The following TIAM1 variants were observed in gnomAD, a reference collection of about 807,000 sequenced individuals.
The protein encoded by TIAM1 is rho guanine nucleotide exchange factor TIAM1.
Under a neutral mutation model 163.5 loss-of-function variants are expected in TIAM1, and 65 were observed. That is an observed-to-expected ratio of 0.40 (90% confidence interval 0.33 to 0.49). TIAM1 has a LOEUF of 0.49. TIAM1 is among the 20% of genes least tolerant of loss of function. The pLI is 0.77. For synonymous variants in TIAM1, 833 were observed against 810.1 expected, an observed-to-expected ratio of 1.03 and a Z score of -0.48; for missense variants, 1,789 against 2,044.7, an observed-to-expected ratio of 0.87 and a Z score of 2.41.
intron 2 of TIAM1, among the ~76,000 whole-genome samples, chr21:31,359,647 G>A (rs1164349197): frequency 6.6e-6 from 1 of 151,928 alleles, no homozygotes. Flanking sequence ...AATTTAGCAG[G>A]GCATGGTGGC....
At chr21:31,522,524 A>G (rs1306261511) in intron 1 of TIAM1, among the ~76,000 whole-genome samples, 2 of 151,900 alleles carry the variant, frequency 1.3e-5, no homozygotes, top group Non-Finnish European at 1.5e-5. Context: ...AAAAAAAACA[A>G]AAACAAAAAC....
intron 16 of TIAM1, among the ~76,000 whole-genome samples, chr21:31,164,314 C>T (rs974501940): frequency 2.0e-5 from 3 of 151,008 alleles, no homozygotes; most frequent in South Asian, 4.2e-4. Flanking sequence ...GGCGTGAACC[C>T]GGGAGGCGGA....
At chr21:31,464,434 C>T (rs1224869517) in intron 1 of TIAM1, among the ~76,000 whole-genome samples, 2 of 152,110 alleles carry the variant, frequency 1.3e-5, no homozygotes, top group African/African-American at 2.4e-5. Context: ...TTGCACCAGG[C>T]GCAGTGGTTC....
chr21:31,302,284 G>T (rs887681007), intron 2 of TIAM1, among the ~76,000 whole-genome samples: 1 of 151,992 alleles, frequency 6.6e-6, no homozygotes, highest in Non-Finnish European at 1.5e-5. Flanking sequence ...ATTAGTCTTG[G>T]TAATATGAAT....
At chr21:31,182,058 C>G (rs1363019394) in intron 15 of TIAM1, among the ~76,000 whole-genome samples, 1 of 151,478 alleles carries the variant, frequency 6.6e-6, no homozygotes, top group Non-Finnish European at 1.5e-5. Context: ...GCTGGGATTA[C>G]AGGTGCGAGC....
At chr21:31,259,654 A>AATAATC (rs1269242856) in intron 4 of TIAM1, among the ~76,000 whole-genome samples, 2 of 150,862 alleles carry the variant, frequency 1.3e-5, no homozygotes, top group East Asian at 3.9e-4. Flanking sequence ...TAATAATAAT[A>AATAATC]ATCCTGAATG....
chr21:31,553,604 T>C (rs2048768191), intron 1 of TIAM1, among the ~76,000 whole-genome samples: 1 of 152,128 alleles, frequency 6.6e-6, no homozygotes, highest in Non-Finnish European at 1.5e-5. Flanking sequence ...GCCCAGGTGA[T>C]GGCCAAAAGA....
At chr21:31,257,113 C>A (rs971366122) in intron 4 of TIAM1, among the ~76,000 whole-genome samples, 2 of 152,166 alleles carry the variant, frequency 1.3e-5, no homozygotes, top group African/African-American at 2.4e-5. Context: ...AAAATGGTGA[C>A]GTTCTCTACA....
chr21:31,133,240 C>T (rs930591823), intron 23 of TIAM1, among the ~76,000 whole-genome samples: 1 of 152,210 alleles, frequency 6.6e-6, no homozygotes, highest in Non-Finnish European at 1.5e-5. Context: ...TGACTACAGC[C>T]TTTGTTCATA....
intron 1 of TIAM1, among the ~76,000 whole-genome samples, chr21:31,485,518 C>T (rs1195856491): frequency 6.6e-6 from 1 of 152,132 alleles, no homozygotes; most frequent in Non-Finnish European, 1.5e-5. Flanking sequence ...AAGCAAAACG[C>T]TAACTCTGGG....
intron 8 of TIAM1, 30 bp from the exon 9 acceptor site, chr21:31,217,729 G>A: frequency 6.2e-7 from 1 of 1,609,550 alleles, no homozygotes; most frequent in South Asian, 1.1e-5. Context: ...GCAGCCACAA[G>A]GGAGATGCAT....
At chr21:31,441,728 A>C (rs2044423522) in intron 2 of TIAM1, among the ~76,000 whole-genome samples, 1 of 151,956 alleles carries the variant, frequency 6.6e-6, no homozygotes, top group Admixed American at 6.6e-5. Context: ...AAAAATTGAC[A>C]CTTGTTAAAA....
chr21:31,275,583 T>C (rs2073262028), intron 3 of TIAM1, among the ~76,000 whole-genome samples: 1 of 152,222 alleles, frequency 6.6e-6, no homozygotes, highest in Non-Finnish European at 1.5e-5. Context: ...ACTGGCACAT[T>C]TGTCTTGTTT....
At chr21:31,210,272 A>G in intron 10 of TIAM1, 57 bp from the exon 11 acceptor site, 3 of 1,568,688 alleles carry the variant, frequency 1.9e-6, no homozygotes, top group South Asian at 2.3e-5. Flanking sequence ...ACAACCCTAG[A>G]TTCCCAGACT....
chr21:31,414,839 C>T (rs570900284), intron 2 of TIAM1, among the ~76,000 whole-genome samples: 1 of 152,186 alleles, frequency 6.6e-6, no homozygotes, highest in African/African-American at 2.4e-5. Context: ...GTCAACCAAA[C>T]GAAGAGAGTC....
At chr21:31,142,692 C>CAGA in intron 20 of TIAM1, among the ~76,000 whole-genome samples, 1 of 151,718 alleles carries the variant, frequency 6.6e-6, no homozygotes, top group South Asian at 2.1e-4. Context: ...CAAGCAGATG[C>CAGA]AGAAGCAGCA....
At chr21:31,348,140 A>C (rs1371892641), upstream of TIAM1, among the ~76,000 whole-genome samples, 14 of 152,172 alleles carry the variant, frequency 9.2e-5, no homozygotes, top group Admixed American at 9.2e-4. Context: ...TGGGCTTTAA[A>C]ATTCCTTTCA....
In TIAM1 at chr21:31,226,502, T is replaced by C. The variant is rs571137662; in HGVS notation, c.1585-552A>G. 2.0e-5 allele frequency among the ~76,000 whole-genome samples: 3 copies of C among 152,264 alleles called. No homozygotes were observed. The East Asian group carries it at 5.8e-4, about 29-fold the overall frequency. ...CGTCTTTGGGGACTCTATGGAACCC[T>C]CTAAGAATTGCAGCCGCCCAACAAC... On this transcript the variant is annotated intron_variant, in intron 6 of 27. Transcript: ENST00000541036.
intron 1 of TIAM1, among the ~76,000 whole-genome samples, chr21:31,480,865 T>C (rs955833491): frequency 6.6e-6 from 1 of 152,342 alleles, no homozygotes; most frequent in East Asian, 1.9e-4. Flanking sequence ...ACAATTCTCC[T>C]GCCTCAGGCT....
Sources: gnomAD v4.1 joint callset for allele counts (sites outside exome capture counted in the v4.1 genomes callset) on GRCh38, gnomAD v4.1.1 for gene constraint, MANE v1.5 for transcripts, NCBI Gene and HGNC (gene_info 2026-07-23, HGNC 2026-07-21) for gene names.